Variants in IGFBP7 observed in about 807,000 individuals in gnomAD.
IGFBP7 encodes the protein insulin like growth factor binding protein 7, also known as insulin-like growth factor-binding protein 7.
A neutral mutation model predicts 29.4 loss-of-function variants in IGFBP7; 31 were observed. The ratio of observed to expected loss-of-function variants is 1.05; its 90% CI spans 0.79 to 1.42. IGFBP7 has a LOEUF of 1.42. IGFBP7 is among the 40% of genes most tolerant of loss of function. The pLI is 0.00. For synonymous variants in IGFBP7, 172 were observed against 174.9 expected, an observed-to-expected ratio of 0.98 and a Z score of 0.13; for missense variants, 393 against 395.5, an observed-to-expected ratio of 0.99 and a Z score of 0.05.
At chr4:57,073,040 AG>A in intron 1 of IGFBP7, 1 of 1,276,484 alleles carries the variant, frequency 7.8e-7, no homozygotes, top group East Asian at 2.4e-5. Context: ...CTCGTTGAAC[AG>A]GCATGCTGCC....
intron 1 of IGFBP7, among the ~76,000 whole-genome samples, chr4:57,104,555 A>C (rs1447085136): frequency 2.6e-5 from 4 of 152,240 alleles, no homozygotes; most frequent in Non-Finnish European, 5.9e-5. Flanking sequence ...ATGGACATTT[A>C]AATGATATAT....
chr4:57,085,146 G>A (rs1168318460), intron 1 of IGFBP7, among the ~76,000 whole-genome samples: 1 of 151,860 alleles, frequency 6.6e-6, no homozygotes, highest in African/African-American at 2.4e-5. Flanking sequence ...AATATCAATA[G>A]GTATTTGTCA....
chr4:57,107,752 G>A (rs4865184), intron 1 of IGFBP7, among the ~76,000 whole-genome samples: 148,366 of 152,326 alleles, frequency 0.97, 72,377 homozygotes, highest in East Asian at 1. Flanking sequence ...AAGAAAAGCC[G>A]GGCCGGAACC....
chr4:57,109,690 G>T lies in IGFBP7; in HGVS notation c.475+187C>A, dbSNP rs933605280. On this transcript the variant is annotated intron_variant, in intron 1 of 4. Coordinates refer to ENST00000295666, the MANE Select transcript of IGFBP7 (RefSeq NM_001553.3). ...AATAAAACCACCAAAAAGGAGAAGG[G>T]GGGGCGTCGCCCACCGCTCCTGGCA... 7 of 662,654 alleles carry T rather than the reference G, an allele frequency of 1.1e-5. No homozygotes were observed. The African/African-American group carries it at 1.2e-4, about 11-fold the overall frequency. The allele number at this position is 662,654 out of a possible 1,614,324, so 41.0% of individuals were successfully genotyped here.
intron 1 of IGFBP7, among the ~76,000 whole-genome samples, chr4:57,078,267 G>A (rs1057014623): frequency 1.3e-5 from 2 of 152,094 alleles, no homozygotes; most frequent in Non-Finnish European, 2.9e-5. Context: ...TACAGAGGAG[G>A]AAACTGAGAC....
rs543006898 is a variant in IGFBP7 at position 57,093,938 on chromosome 4, T to G, written c.475+15939A>C. 1.3e-4 allele frequency among the ~76,000 whole-genome samples: 20 copies of G among 152,342 alleles called. No homozygotes were observed. The South Asian group carries it at 4.1e-3, about 32-fold the overall frequency. ...GATGTAAATGTACCTTTGTTCATTTTTTCCCCTTCCAGTAGAAATTGCCCA... is the reference window on the plus strand; with the variant it reads ...GATGTAAATGTACCTTTGTTCATTTGTTCCCCTTCCAGTAGAAATTGCCCA... On this transcript the variant is annotated intron_variant, in intron 1 of 4. Coordinates refer to ENST00000295666, the MANE Select transcript of IGFBP7 (RefSeq NM_001553.3).
chr4:57,107,989 T>G (rs11573029), intron 1 of IGFBP7, among the ~76,000 whole-genome samples: 1,687 of 152,318 alleles, frequency 0.011, 22 homozygotes, highest in South Asian at 0.013. Flanking sequence ...GGCAAGTATC[T>G]GCCATTTTGA....
rs1366927916 is a variant in IGFBP7, at chr4:57,110,055, C to T, written c.297G>A (p.Gly99=). 33 of 1,561,354 alleles carry T rather than the reference C, an allele frequency of 2.1e-5. No individual in the cohort carries two copies. Among genetic ancestry groups the T allele is most frequent in the Non-Finnish European group, 2.7e-5 (31 of 1,159,756 alleles). ...TTACACCCGGACCGCCGGCTGCTGCCCCGGCTTTACCCTTCCGCCTCTTGC... is the reference window on the plus strand; with the variant it reads ...TTACACCCGGACCGCCGGCTGCTGCTCCGGCTTTACCCTTCCGCCTCTTGC... ...KSRKRRKGKA[G]AAAGGPGVSG... The change falls in exon 1 of 5, where the codon GGG becomes GGA. Residue 99 remains glycine, a synonymous_variant. Coordinates refer to ENST00000295666, the MANE Select transcript of IGFBP7 (RefSeq NM_001553.3).
intron 1 of IGFBP7, among the ~76,000 whole-genome samples, chr4:57,092,038 C>T (rs913440347): frequency 4.6e-5 from 7 of 152,108 alleles, no homozygotes; most frequent in Non-Finnish European, 7.4e-5. Context: ...TGGAGGTATG[C>T]CATTGACTGT....
chr4:57,055,476 T>C (rs956398675), intron 1 of IGFBP7, among the ~76,000 whole-genome samples: 5 of 152,214 alleles, frequency 3.3e-5, no homozygotes, highest in African/African-American at 1.2e-4. Flanking sequence ...GAAGAAATTA[T>C]GTTCGTAGGT....
intron 1 of IGFBP7, among the ~76,000 whole-genome samples, chr4:57,107,472 C>CCAGTTTGCTTCTAT: frequency 6.6e-6 from 1 of 152,278 alleles, no homozygotes; most frequent in East Asian, 1.9e-4. Context: ...GGCACTCTGT[C>CCAGTTTGCTTCTAT]CAGTTTGCTT....
intron 1 of IGFBP7, among the ~76,000 whole-genome samples, chr4:57,088,832 C>A (rs1406974107): frequency 2.0e-5 from 3 of 151,878 alleles, no homozygotes; most frequent in Non-Finnish European, 2.9e-5. Flanking sequence ...GAGTTCGAGA[C>A]CAGCCTGGCC....
At chr4:57,066,169 T>C (rs1272294859) in intron 1 of IGFBP7, among the ~76,000 whole-genome samples, 1 of 152,228 alleles carries the variant, frequency 6.6e-6, no homozygotes, top group Non-Finnish European at 1.5e-5. Context: ...AGTGACTTAC[T>C]CTGGTGACGC....
chr4:57,104,255 T>G (rs1231133981), intron 1 of IGFBP7, among the ~76,000 whole-genome samples: 1 of 152,174 alleles, frequency 6.6e-6, no homozygotes, highest in Admixed American at 6.5e-5. Context: ...CCCTTCTAAC[T>G]CTACCACAAC....
intron 1 of IGFBP7, among the ~76,000 whole-genome samples, chr4:57,103,649 TTTTTTCTTTTC>T (rs923073265): frequency 2.1e-5 from 2 of 96,864 alleles, no homozygotes; most frequent in African/African-American, 8.0e-5. Context: ...TTTCTTTTTT[TTTTTTCTTTTC>T]TTTTTTTTTT....
chr4:57,088,206 T>C (rs1443340936), intron 1 of IGFBP7, among the ~76,000 whole-genome samples: 1 of 152,012 alleles, frequency 6.6e-6, no homozygotes, highest in African/African-American at 2.4e-5. Flanking sequence ...GAACTCCTAG[T>C]CTCAAGTGAT....
intron 2 of IGFBP7, among the ~76,000 whole-genome samples, chr4:57,037,445 T>G (rs751911945): frequency 5.3e-5 from 8 of 151,452 alleles, no homozygotes; most frequent in African/African-American, 9.7e-5. Flanking sequence ...GGTGCCATCA[T>G]AGCTCACTGC....
intron 1 of IGFBP7, among the ~76,000 whole-genome samples, chr4:57,053,595 G>A (rs1183486896): frequency 6.6e-6 from 1 of 152,158 alleles, no homozygotes; most frequent in Admixed American, 6.5e-5. Flanking sequence ...ACATTGCCCA[G>A]GGATGAGCTA....
At chr4:57,054,319 TCTAA>T (rs10593093) in intron 1 of IGFBP7, among the ~76,000 whole-genome samples, 66,183 of 151,636 alleles carry the variant, frequency 0.44, 14,661 homozygotes, top group Middle Eastern at 0.47. Flanking sequence ...TAACAAGAAT[TCTAA>T]GCAATCTGCT....
Sources: gnomAD v4.1 joint callset for allele counts (sites outside exome capture counted in the v4.1 genomes callset) on GRCh38, gnomAD v4.1.1 for gene constraint, MANE v1.5 for transcripts, NCBI Gene and HGNC (gene_info 2026-07-23, HGNC 2026-07-21) for gene names.